Variants in CFHR4 observed in about 807,000 individuals in gnomAD.
The protein encoded by CFHR4 is complement factor H related 4.
A neutral mutation model predicts 69.3 loss-of-function variants in CFHR4; 64 were observed. The observed-to-expected ratio is 0.92, with a 90% CI of 0.76 to 1.14. CFHR4 has a LOEUF of 1.14. Among genes scored for constraint, CFHR4 ranks in the 50% most tolerant of loss-of-function variants. The probability of loss-of-function intolerance (pLI) is 0.00; values close to 1 mark genes in which losing one functional copy is unlikely to be tolerated. For synonymous variants in CFHR4, 244 were observed against 237.0 expected (o/e 1.03, Z -0.27); for missense variants, 636 against 684.9 (o/e 0.93, Z 0.80).
intron 3 of CFHR4, among the ~76,000 whole-genome samples, chr1:196,905,767 T>G (rs952357423): frequency 6.6e-6 from 1 of 151,428 alleles, no homozygotes; most frequent in East Asian, 1.9e-4. Context: ...ATGATGCAAC[T>G]GAGGAGAACC....
intron 1 of CFHR4, among the ~76,000 whole-genome samples, chr1:196,889,695 T>C (rs972387237): frequency 6.6e-6 from 1 of 151,572 alleles, no homozygotes; most frequent in African/African-American, 2.4e-5. Flanking sequence ...TTCAGTAGCA[T>C]TGGCTCAACT....
chr1:196,901,046 C>T (rs188546867), intron 1 of CFHR4, among the ~76,000 whole-genome samples: 3 of 151,382 alleles, frequency 2.0e-5, no homozygotes, highest in South Asian at 4.2e-4. Context: ...TTGATGAACG[C>T]CAGATGTGTT....
chr1:196,904,535 A>G (rs1227808191), intron 2 of CFHR4, among the ~76,000 whole-genome samples: 1 of 151,546 alleles, frequency 6.6e-6, no homozygotes, highest in African/African-American at 2.4e-5. Flanking sequence ...AAGAACATAT[A>G]CATTACTAAT....
intron 5 of CFHR4, among the ~76,000 whole-genome samples, chr1:196,909,925 G>T (rs1230950549): frequency 5.3e-5 from 8 of 151,306 alleles, no homozygotes; most frequent in Non-Finnish European, 1.0e-4. Flanking sequence ...GCCAAAGCAG[G>T]TCGATCACCT....
rs941804516 is a variant in CFHR4 at position 196,895,392 on chromosome 1, C to T, written c.59-7026C>T. Among the ~76,000 whole-genome samples, 32 of 151,470 alleles carry T rather than the reference C, an allele frequency of 2.1e-4. 1 individual carries two copies. Among genetic ancestry groups the T allele is most frequent in the South Asian group, 4.2e-4 (2 of 4,818 alleles). ...TCTATTCATCTTTCTCTTCTCCTTC[C>T]GAAATCCACTTTGTGTGTGTTGGTC... is the stretch of plus-strand genomic sequence containing the variant. On this transcript the variant is annotated intron_variant, in intron 1 of 9. Coordinates refer to ENST00000608469, the MANE Select transcript of CFHR4 (RefSeq NM_001201550.3).
At chr1:196,910,614 C>T in intron 6 of CFHR4, 136 bp downstream of exon 6, 1 of 659,548 alleles carries the variant, frequency 1.5e-6, no homozygotes, top group East Asian at 2.7e-5. Context: ...AAACACCAAA[C>T]TAGATCTTTT....
intron 1 of CFHR4, among the ~76,000 whole-genome samples, chr1:196,891,631 A>G (rs1052745330): frequency 1.3e-5 from 2 of 151,494 alleles, no homozygotes; most frequent in Non-Finnish European, 1.5e-5. Context: ...TTCTTTAGTT[A>G]TATTCTTAAG....
rs574285501 is a variant in CFHR4, at chr1:196,906,867, G to C, written c.446G>C (p.Cys149Ser). 6.2e-7 allele frequency: 1 copy of C among 1,600,200 alleles called. No homozygotes were observed. Among genetic ancestry groups the C allele is most frequent in the South Asian group, 1.1e-5 (1 of 88,220 alleles). The change falls in exon 4 of 10, where the codon TGT (cysteine) becomes TCT (serine). Residue 149 changes from cysteine to serine, a missense_variant. Coordinates refer to ENST00000608469, the MANE Select transcript of CFHR4 (RefSeq NM_001201550.3). ...WSTQPICIKF[C>S]DMPVFENSRA... ...CAATTTTATTTTGTTTCAGAATTTTGTGATATGCCTGTTTTTGAGAATTCC... is the reference window on the plus strand; with the variant it reads ...CAATTTTATTTTGTTTCAGAATTTTCTGATATGCCTGTTTTTGAGAATTCC...
intron 3 of CFHR4, 141 bp downstream of exon 3, chr1:196,905,431 G>T: frequency 8.1e-7 from 1 of 1,240,056 alleles, no homozygotes; most frequent in Non-Finnish European, 1.1e-6. Context: ...AACATTCTGT[G>T]CCAAACTAAG....
intron 1 of CFHR4, 59 bp from the exon 2 acceptor site, chr1:196,902,359 A>G (rs1558241587): frequency 2.6e-6 from 3 of 1,161,688 alleles, no homozygotes; most frequent in South Asian, 2.8e-5. Context: ...AAAATGTCAT[A>G]TATGATTATC....
At chr1:196,910,248 A>G (rs1658182339) in intron 5 of CFHR4, 33 bp from the exon 6 acceptor site, 1 of 1,316,904 alleles carries the variant, frequency 7.6e-7, no homozygotes, top group Non-Finnish European at 1.1e-6. Context: ...ACAGTGAAAC[A>G]TTATTTATAC....
At chr1:196,918,144 G>T in intron 9 of CFHR4, 66 bp from the exon 10 acceptor site, 1 of 1,496,048 alleles carries the variant, frequency 6.7e-7, no homozygotes, top group Non-Finnish European at 9.1e-7. Context: ...TACTCATTAG[G>T]ATGCATTTTA....
At chr1:196,898,845 T>C (rs1457919617) in intron 1 of CFHR4, among the ~76,000 whole-genome samples, 1 of 151,456 alleles carries the variant, frequency 6.6e-6, no homozygotes, top group African/African-American at 2.4e-5. Flanking sequence ...CTCACACAGA[T>C]TTTGGTAGGA....
At chr1:196,914,350 G>C (rs185463003) in intron 7 of CFHR4, 145 bp from the exon 8 acceptor site, 6 of 693,878 alleles carry the variant, frequency 8.6e-6, no homozygotes, top group Admixed American at 7.4e-5. Flanking sequence ...AGCACAAAAA[G>C]CACTGATTGT....
At chr1:196,907,265 G>T (rs1294904702) in intron 4 of CFHR4, 51 bp from the exon 5 acceptor site, 5 of 1,489,550 alleles carry the variant, frequency 3.4e-6, no homozygotes. Context: ...TATTCAGAAA[G>T]TTTCCAATAA....
intron 1 of CFHR4, among the ~76,000 whole-genome samples, chr1:196,891,904 C>A (rs1273080739): frequency 2.6e-5 from 4 of 151,274 alleles, no homozygotes; most frequent in Non-Finnish European, 5.9e-5. Context: ...TGAATTCTAA[C>A]TATGGTAAGA....
intron 2 of CFHR4, among the ~76,000 whole-genome samples, chr1:196,903,660 G>GA (rs1162933680): frequency 6.7e-6 from 1 of 148,238 alleles, no homozygotes; most frequent in Non-Finnish European, 1.5e-5. Context: ...CTCAAGAAAA[G>GA]AAAAAAACAC....
At chr1:196,915,720 T>C (rs1286125664) in intron 9 of CFHR4, among the ~76,000 whole-genome samples, 5 of 151,520 alleles carry the variant, frequency 3.3e-5, no homozygotes, top group Non-Finnish European at 5.9e-5. Flanking sequence ...AAACCAAGAA[T>C]GTTCAGAGTC....
At chr1:196,892,841 G>C (rs1224958934) in intron 1 of CFHR4, among the ~76,000 whole-genome samples, 3 of 151,378 alleles carry the variant, frequency 2.0e-5, no homozygotes, top group African/African-American at 7.3e-5. Context: ...TTTGTTGGCA[G>C]ATTTACCTAG....
Sources: allele counts gnomAD v4.1 joint callset (sites outside exome capture counted in the v4.1 genomes callset), GRCh38; gene constraint gnomAD v4.1.1; transcripts MANE v1.5; gene names NCBI Gene and HGNC (gene_info 2026-07-23, HGNC 2026-07-21).